Variants in METTL15 observed in about 807,000 individuals in gnomAD.
METTL15 encodes 12S rRNA N(4)-cytidine methyltransferase METTL15.
METTL15 carries 34 observed loss-of-function variants against 38.3 expected under a neutral mutation model. The observed-to-expected ratio is 0.89, with a 90% CI of 0.68 to 1.18. METTL15 has a LOEUF of 1.18. METTL15 is among the 50% of genes most tolerant of loss of function. The pLI, the probability that METTL15 is intolerant of heterozygous loss-of-function variation, is 0.00. For missense variants in METTL15, 438 were observed against 498.4 expected (o/e 0.88, Z 1.15); for synonymous variants, 162 against 170.9 (o/e 0.95, Z 0.41).
chr11:28,158,039 A>G (rs1850324434), intron 3 of METTL15, among the ~76,000 whole-genome samples: 1 of 152,134 alleles, frequency 6.6e-6, no homozygotes, highest in South Asian at 2.1e-4. Context: ...TGGAAGGAGA[A>G]ATGACCAGAT....
At chr11:28,515,957 AGCT>A (rs2133505893) in intron 6 of METTL15, among the ~76,000 whole-genome samples, 1 of 152,362 alleles carries the variant, frequency 6.6e-6, no homozygotes, top group Admixed American at 6.5e-5. Flanking sequence ...CTTGATAGAC[AGCT>A]ATCTGTTTCT....
intron 3 of METTL15, among the ~76,000 whole-genome samples, chr11:28,149,643 G>A (rs1229243256): frequency 6.6e-6 from 1 of 151,868 alleles, no homozygotes; most frequent in Non-Finnish European, 1.5e-5. Context: ...AGTGGCTGAG[G>A]ATCCATTAAG....
chr11:28,330,597 G>A lies in METTL15; in HGVS notation c.980G>A (p.Arg327His), dbSNP rs200521331. The A allele has an allele frequency of 1.7e-5, 26 of 1,551,316 alleles. No individual in the cohort carries two copies. The highest frequency in any genetic ancestry group is 2.4e-5 in the East Asian group (1 of 40,910). ...VALSFHSLED[R>H]IVKRFLLGIS... ...CTCTCCTTCCATTCACTAGAGGATC[G>A]CATCGTCAAAAGATTTTTGCTTGGA... Residue 327 changes from arginine to histidine, a missense_variant, in exon 7 of 7, where the codon CGC becomes CAC. Arg to His is a conservative substitution (Grantham distance 29). Transcript: ENST00000407364.
At chr11:28,355,474 G>A (rs1289884358) in intron 4 of METTL15, among the ~76,000 whole-genome samples, 2 of 152,002 alleles carry the variant, frequency 1.3e-5, no homozygotes, top group African/African-American at 4.8e-5. Flanking sequence ...TTTCTTCATT[G>A]AAAGAAAAGA....
intron 4 of METTL15, among the ~76,000 whole-genome samples, chr11:28,271,890 C>G (rs1376054373): frequency 6.6e-6 from 1 of 151,994 alleles, no homozygotes; most frequent in African/African-American, 2.4e-5. Context: ...ACAACACCGT[C>G]AAAAAGTGGG....
chr11:28,504,231 AG>A (rs1465782298), intron 6 of METTL15, among the ~76,000 whole-genome samples: 1 of 151,630 alleles, frequency 6.6e-6, no homozygotes, highest in Non-Finnish European at 1.5e-5. Flanking sequence ...GAGGGAGAAA[AG>A]AAAAAAAAAT....
intron 3 of METTL15, among the ~76,000 whole-genome samples, chr11:28,139,250 A>AT (rs938732545): frequency 3.3e-5 from 5 of 151,560 alleles, no homozygotes; most frequent in South Asian, 4.2e-4. Flanking sequence ...CAGAGTAAGG[A>AT]TTTTTTTTTC....
At chr11:28,228,163 C>A (rs376077247) in intron 4 of METTL15, among the ~76,000 whole-genome samples, 22 of 151,868 alleles carry the variant, frequency 1.4e-4, no homozygotes, top group African/African-American at 5.1e-4. Flanking sequence ...CGGTAATTAC[C>A]TTTTTCTCAG....
intron 6 of METTL15, among the ~76,000 whole-genome samples, chr11:28,430,709 C>T (rs1433021287): frequency 2.4e-4 from 28 of 115,646 alleles, no homozygotes; most frequent in African/African-American, 8.5e-4. Context: ...CCAGCCGCCC[C>T]GTCTGGGAGG....
chr11:28,233,959 C>A (rs1304308838), intron 4 of METTL15, among the ~76,000 whole-genome samples: 15 of 148,834 alleles, frequency 1.0e-4, no homozygotes, highest in Non-Finnish European at 1.9e-4. Flanking sequence ...CCCCCCTCCC[C>A]CTACCCCACA....
chr11:28,201,105 G>A (rs1406381335), intron 3 of METTL15, among the ~76,000 whole-genome samples: 5 of 152,122 alleles, frequency 3.3e-5, no homozygotes, highest in Non-Finnish European at 1.5e-5. Flanking sequence ...TTTATTGAGA[G>A]TTTTTAACAT....
chr11:28,498,069 G>A (rs1392746838), intron 6 of METTL15, among the ~76,000 whole-genome samples: 1 of 151,632 alleles, frequency 6.6e-6, no homozygotes, highest in Admixed American at 6.6e-5. Context: ...AAAAAAAGGA[G>A]GGGTGGATGC....
chr11:28,517,451 TAA>T (rs1384016675), intron 6 of METTL15: 3 of 152,212 alleles, frequency 2.0e-5, no homozygotes, highest in Non-Finnish European at 4.4e-5. Context: ...TATAAAGAAC[TAA>T]GAGGCAATCC....
intron 4 of METTL15, among the ~76,000 whole-genome samples, chr11:28,246,613 A>C (rs908969994): frequency 6.6e-6 from 1 of 152,164 alleles, no homozygotes; most frequent in Admixed American, 6.5e-5. Context: ...GCCAAAGTAA[A>C]TGATCAATAG....
At chr11:28,472,772 C>G (rs550507110) in intron 6 of METTL15, among the ~76,000 whole-genome samples, 78 of 152,136 alleles carry the variant, frequency 5.1e-4, no homozygotes, top group African/African-American at 1.8e-3. Context: ...ACAGCAACTG[C>G]CAATAAAATG....
At chr11:28,317,567 A>T (rs1038965906) in intron 6 of METTL15, among the ~76,000 whole-genome samples, 1 of 152,208 alleles carries the variant, frequency 6.6e-6, no homozygotes, top group Non-Finnish European at 1.5e-5. Flanking sequence ...ATCTCAATAC[A>T]TTTAAACACG....
intron 6 of METTL15, among the ~76,000 whole-genome samples, chr11:28,302,759 A>G (rs1014202890): frequency 6.6e-6 from 1 of 152,188 alleles, no homozygotes; most frequent in Non-Finnish European, 1.5e-5. Flanking sequence ...GTAAGTTAGG[A>G]AAACTACATT....
chr11:28,161,703 A>G (rs1398359508), intron 3 of METTL15, among the ~76,000 whole-genome samples: 2 of 151,768 alleles, frequency 1.3e-5, no homozygotes, highest in African/African-American at 2.4e-5. Flanking sequence ...AATAGAAAAT[A>G]TGACTTGTAT....
downstream of METTL15, among the ~76,000 whole-genome samples, chr11:28,334,255 T>C (rs1371484334): frequency 6.6e-6 from 1 of 152,042 alleles, no homozygotes; most frequent in Non-Finnish European, 1.5e-5. Context: ...TTTCAATTTA[T>C]CTCTGGAAAA....
Sources: allele counts gnomAD v4.1 joint callset (sites outside exome capture counted in the v4.1 genomes callset), GRCh38; gene constraint gnomAD v4.1.1; transcripts MANE v1.5; gene names NCBI Gene and HGNC (gene_info 2026-07-23, HGNC 2026-07-21).